Variants in SYNE1 observed in about 807,000 individuals in gnomAD.
SYNE1 encodes the protein nesprin-1.
Under a neutral mutation model 1,111.0 loss-of-function variants are expected in SYNE1, and 616 were observed. That is an observed-to-expected ratio of 0.55 (90% CI 0.52 to 0.59). SYNE1 has a LOEUF of 0.59. Ranked by LOEUF, SYNE1 falls within the 20% of genes least tolerant of loss-of-function variation. SYNE1 has a pLI of 0.00. For synonymous variants in SYNE1, 3,855 were observed against 3,825.8 expected (o/e 1.01, Z -0.28); for missense variants, 10,006 against 10,417.0 (o/e 0.96, Z 1.72).
chr6:152,155,955 C>CG lies in SYNE1; in HGVS notation c.23932dup (p.Arg7978ProfsTer30). On this transcript the variant is annotated frameshift_variant, in exon 132 of 146. Transcript: ENST00000367255. LOFTEE classifies it high-confidence loss of function. ...CATAGCACAAATGTTTCTCCACCGC[C>CG]GGTCCAGGTTTCTCGTAGCCTGCTG... 1 of 1,614,172 alleles carries CG rather than the reference C, an allele frequency of 6.2e-7. No individual in the cohort carries two copies. The highest frequency in any genetic ancestry group is 8.5e-7 in the Non-Finnish European group (1 of 1,180,042).
chr6:152,629,552 A>AGGGGGGGGGGG (rs2099694162), intron 2 of SYNE1, among the ~76,000 whole-genome samples: 2 of 16,140 alleles, frequency 1.2e-4, no homozygotes, highest in African/African-American at 6.1e-4. Flanking sequence ...GGAGGGGAGG[A>AGGGGGGGGGGG]GGGGGTGCAG....
chr6:152,309,160 CAAAA>C (rs984771731), intron 90 of SYNE1, among the ~76,000 whole-genome samples: 1 of 152,086 alleles, frequency 6.6e-6, no homozygotes, highest in African/African-American at 2.4e-5. Flanking sequence ...CTCTACCAAA[CAAAA>C]GTATATACAC....
intron 98 of SYNE1, chr6:152,277,583 C>T (rs768341413): frequency 8.6e-5 from 16 of 185,836 alleles, no homozygotes; most frequent in Non-Finnish European, 1.6e-4. Context: ...CCACGGCGCC[C>T]TGCCCACATT....
At chr6:152,144,104 T>C (rs1016486183) in intron 137 of SYNE1, 1 of 373,078 alleles carries the variant, frequency 2.7e-6, no homozygotes, top group African/African-American at 2.1e-5. Context: ...AAATCTGCAA[T>C]GGTGTCTACT....
In SYNE1 at chr6:152,311,014, C is replaced by G; in HGVS notation, c.16711-141G>C. The G allele has an allele frequency of 5.0e-6, 4 of 804,000 alleles. No individual in the cohort carries two copies. In the South Asian group the frequency reaches 5.9e-5, roughly 12 times the overall value. 49.8% of individuals were successfully genotyped at this position (804,000 alleles called of 1,614,324 possible). ...AACCTTCACCCCCCATGACCACTTT[C>G]TACTTGGTAGCCACTTACTATTATA... On this transcript the variant is annotated intron_variant, in intron 87 of 145. Transcript: ENST00000367255.
intron 101 of SYNE1, among the ~76,000 whole-genome samples, chr6:152,256,972 T>C (rs970098982): frequency 6.6e-5 from 10 of 152,178 alleles, no homozygotes; most frequent in Admixed American, 1.3e-4. Context: ...GGATTTTTTT[T>C]TTTTAAGCAG....
intron 3 of SYNE1, among the ~76,000 whole-genome samples, chr6:152,598,268 A>C (rs2099587414): frequency 6.6e-6 from 1 of 152,088 alleles, no homozygotes; most frequent in Non-Finnish European, 1.5e-5. Flanking sequence ...GGTTTTATAA[A>C]GGGGAGTTTC....
chr6:152,297,881 G>T (rs1391465021), intron 93 of SYNE1, among the ~76,000 whole-genome samples: 1 of 150,300 alleles, frequency 6.7e-6, no homozygotes, highest in Non-Finnish European at 1.5e-5. Context: ...TTCTTAAAAG[G>T]ATTTGAAAAT....
chr6:152,165,627 T>C (rs551400027), intron 130 of SYNE1, among the ~76,000 whole-genome samples: 1 of 152,354 alleles, frequency 6.6e-6, no homozygotes, highest in East Asian at 1.9e-4. Context: ...AATGAAAATA[T>C]GTTACAATGT....
At chr6:152,173,394 G>A (rs1586851456) in intron 130 of SYNE1, among the ~76,000 whole-genome samples, 1 of 152,200 alleles carries the variant, frequency 6.6e-6, no homozygotes, top group East Asian at 1.9e-4. Context: ...ATTCCCACAA[G>A]AGCACCAATA....
chr6:152,447,330 A>G, intron 29 of SYNE1, 128 bp downstream of exon 29: 2 of 1,057,366 alleles, frequency 1.9e-6, no homozygotes, highest in South Asian at 1.5e-5. Context: ...CAAAAAAAGC[A>G]TAACAACAAT....
At chr6:152,430,855 TG>T in intron 34 of SYNE1, 146 bp from the exon 35 acceptor site, 2 of 801,148 alleles carry the variant, frequency 2.5e-6, no homozygotes, top group Admixed American at 4.0e-5. Context: ...GCAAACACCA[TG>T]TGTTTGGGGA....
chr6:152,122,806 G>A (rs2051779839), intron 145 of SYNE1, 130 bp from the exon 146 acceptor site: 3 of 1,421,474 alleles, frequency 2.1e-6, no homozygotes, highest in East Asian at 2.3e-5. Flanking sequence ...TCAGCTGCCA[G>A]CCTTCCACAG....
At chr6:152,494,448 C>T (rs1236801141) in intron 11 of SYNE1, among the ~76,000 whole-genome samples, 1 of 152,130 alleles carries the variant, frequency 6.6e-6, no homozygotes, top group African/African-American at 2.4e-5. Flanking sequence ...CCTGATCACA[C>T]TTGGTTTATT....
chr6:152,478,959 CT>C (rs1249715362), intron 14 of SYNE1, among the ~76,000 whole-genome samples: 6 of 152,200 alleles, frequency 3.9e-5, no homozygotes, highest in African/African-American at 1.4e-4. Flanking sequence ...ATGAGTGGGG[CT>C]TTTACATTGC....
chr6:152,448,163 T>C (rs17082700), intron 28 of SYNE1, among the ~76,000 whole-genome samples: 4,315 of 152,360 alleles, frequency 0.028, 88 homozygotes, highest in Non-Finnish European at 0.033. Flanking sequence ...GTATCCCATA[T>C]AGCAAGAAGT....
chr6:152,379,405 A>G (rs1366882750), intron 56 of SYNE1, among the ~76,000 whole-genome samples: 1 of 152,156 alleles, frequency 6.6e-6, no homozygotes, highest in Non-Finnish European at 1.5e-5. Flanking sequence ...TTTATAGATC[A>G]TCTGTTTTTA....
intron 91 of SYNE1, among the ~76,000 whole-genome samples, chr6:152,304,648 A>T (rs1465021366): frequency 6.6e-6 from 1 of 152,136 alleles, no homozygotes; most frequent in East Asian, 1.9e-4. Context: ...TATGAAGTAG[A>T]CAGAGTTAGT....
chr6:152,198,970 C>T (rs2074781452), intron 127 of SYNE1, among the ~76,000 whole-genome samples: 1 of 134,468 alleles, frequency 7.4e-6, no homozygotes, highest in Non-Finnish European at 1.6e-5. Context: ...AGCAATGCCA[C>T]AATCTTCAAT....
Sources: allele counts gnomAD v4.1 joint callset (sites outside exome capture counted in the v4.1 genomes callset), GRCh38; gene constraint gnomAD v4.1.1; transcripts MANE v1.5; gene names NCBI Gene and HGNC (gene_info 2026-07-23, HGNC 2026-07-21).